FAM120B: variants seen among roughly 807,000 people sequenced by gnomAD.
FAM120B encodes the protein family with sequence similarity 120 member B, also known as constitutive coactivator of peroxisome proliferator-activated receptor gamma.
In FAM120B, 83 loss-of-function variants were observed where a neutral mutation model predicts 96.3. The observed-to-expected ratio is 0.86, with a 90% CI of 0.72 to 1.03. The LOEUF is 1.03. FAM120B is among the 50% of genes least tolerant of loss of function. The pLI, the probability that FAM120B is intolerant of heterozygous loss-of-function variation, is 0.00. For synonymous variants in FAM120B, 407 were observed against 402.7 expected, an observed-to-expected ratio of 1.01 and a Z score of -0.13; for missense variants, 1,027 against 1,121.2, an observed-to-expected ratio of 0.92 and a Z score of 1.20.
intron 4 of FAM120B, among the ~76,000 whole-genome samples, chr6:170,331,271 T>C (rs1786017460): frequency 6.6e-6 from 1 of 152,218 alleles, no homozygotes; most frequent in African/African-American, 2.4e-5. Context: ...GCTCATGTCA[T>C]TGTTTCACCG....
chr6:170,292,929 C>T (rs1035940136), upstream of FAM120B, among the ~76,000 whole-genome samples: 7 of 152,200 alleles, frequency 4.6e-5, no homozygotes, highest in Admixed American at 4.6e-4. The surrounding 1 kb of genome is among the most constrained non-coding windows in gnomAD (Gnocchi z 6.6). Context: ...CTGGGATCAC[C>T]GTGAACCCCC....
chr6:170,371,402 A>G (rs1045840827), intron 6 of FAM120B, among the ~76,000 whole-genome samples: 3 of 152,174 alleles, frequency 2.0e-5, no homozygotes, highest in Non-Finnish European at 4.4e-5. Flanking sequence ...TAATGCTGCT[A>G]TGAACCTTTC....
intron 6 of FAM120B, among the ~76,000 whole-genome samples, 163 bp downstream of exon 6, chr6:170,358,481 G>A (rs913484104): frequency 1.3e-5 from 2 of 152,346 alleles, no homozygotes; most frequent in Admixed American, 1.3e-4. Context: ...TAATGGCTCT[G>A]GGATGAGCAG....
At chr6:170,377,030 G>C (rs1284049371) in intron 6 of FAM120B, among the ~76,000 whole-genome samples, 32 of 142,850 alleles carry the variant, frequency 2.2e-4, no homozygotes, top group Middle Eastern at 7.2e-3. Context: ...ACGCTGCTCG[G>C]TGCTGTGCAC....
intron 1 of FAM120B, among the ~76,000 whole-genome samples, chr6:170,298,575 C>T (rs146847499): frequency 5.4e-5 from 8 of 148,120 alleles, no homozygotes; most frequent in Admixed American, 1.4e-4. Flanking sequence ...GCATATTTGT[C>T]GGTCATCATC....
chr6:170,383,597 A>G (rs1018547132), intron 6 of FAM120B, among the ~76,000 whole-genome samples: 1 of 152,248 alleles, frequency 6.6e-6, no homozygotes, highest in Non-Finnish European at 1.5e-5. Context: ...ACAGTGAGAT[A>G]GCACTACACA....
In FAM120B at chr6:170,346,187, C is replaced by CT. The variant is rs68080508; in HGVS notation, c.2018-1953dup. 1.7e-3 allele frequency among the ~76,000 whole-genome samples: 244 copies of CT among 147,680 alleles called. 2 individuals carry two copies. The highest frequency in any genetic ancestry group is 7.5e-3 in the South Asian group (35 of 4,656). ...GTTCTACTAAATATATGTAATGAAT[C>CT]TTTTTTTTTTTGTATTAAATTTTCA... On this transcript the variant is annotated intron_variant, in intron 4 of 10. Coordinates refer to ENST00000476287, the MANE Select transcript of FAM120B (RefSeq NM_032448.3).
chr6:170,307,114 C>T (rs1304996816), intron 1 of FAM120B, among the ~76,000 whole-genome samples: 3 of 152,244 alleles, frequency 2.0e-5, no homozygotes, highest in Non-Finnish European at 4.4e-5. Context: ...CCCGACCTCG[C>T]GACCGTCGCC....
intron 6 of FAM120B, among the ~76,000 whole-genome samples, chr6:170,375,869 G>A (rs1178384572): frequency 6.6e-6 from 1 of 152,184 alleles, no homozygotes; most frequent in Non-Finnish European, 1.5e-5. Flanking sequence ...TCGATAAAGG[G>A]TGGGTAGGAT....
upstream of FAM120B, among the ~76,000 whole-genome samples, chr6:170,302,923 T>G (rs994375917): frequency 6.6e-6 from 1 of 152,136 alleles, no homozygotes; most frequent in Non-Finnish European, 1.5e-5. Flanking sequence ...GACCTTGAAG[T>G]AATATTTGAC....
At chr6:170,346,599 A>G (rs1787205953) in intron 4 of FAM120B, among the ~76,000 whole-genome samples, 1 of 152,174 alleles carries the variant, frequency 6.6e-6, no homozygotes, top group South Asian at 2.1e-4. Context: ...TAAAGCCTGG[A>G]AGGAACCGTG....
At chr6:170,311,389 A>G (rs1784581910) in intron 1 of FAM120B, among the ~76,000 whole-genome samples, 2 of 152,150 alleles carry the variant, frequency 1.3e-5, no homozygotes, top group Non-Finnish European at 2.9e-5. Context: ...CCATTTCTAC[A>G]CTTGATGAAC....
intron 6 of FAM120B, among the ~76,000 whole-genome samples, chr6:170,371,922 G>A (rs1308627663): frequency 1.3e-5 from 2 of 152,174 alleles, no homozygotes; most frequent in African/African-American, 2.4e-5. Flanking sequence ...GGACCTTCAC[G>A]CAGTTTTCAA....
intron 8 of FAM120B, among the ~76,000 whole-genome samples, chr6:170,393,668 G>A (rs548897548): frequency 1.3e-4 from 20 of 152,282 alleles, no homozygotes; most frequent in South Asian, 1.2e-3. Context: ...AGGTTCTATG[G>A]TTCAGTCCCT....
chr6:170,368,829 G>GT (rs939355478), intron 6 of FAM120B, among the ~76,000 whole-genome samples: 1 of 148,888 alleles, frequency 6.7e-6, no homozygotes, highest in African/African-American at 2.5e-5. Context: ...CTGGGGGGGG[G>GT]GCTCCCTCCT....
At chr6:170,395,952 A>G (rs573465518) in intron 9 of FAM120B, among the ~76,000 whole-genome samples, 4 of 152,218 alleles carry the variant, frequency 2.6e-5, no homozygotes, top group Non-Finnish European at 4.4e-5. Flanking sequence ...AGGTAATAGG[A>G]TTCTGATATT....
At chr6:170,321,032 G>A (rs1323127248) in intron 2 of FAM120B, among the ~76,000 whole-genome samples, 1 of 152,210 alleles carries the variant, frequency 6.6e-6, no homozygotes, top group Non-Finnish European at 1.5e-5. Flanking sequence ...AGGGAGTTTG[G>A]CAGTGGAAGA....
chr6:170,353,339 C>T (rs1787699701), intron 5 of FAM120B, among the ~76,000 whole-genome samples: 1 of 152,168 alleles, frequency 6.6e-6, no homozygotes, highest in Non-Finnish European at 1.5e-5. Flanking sequence ...GAGCTGGCAC[C>T]ATTTCTACTG....
At chr6:170,350,951 C>T (rs967678013) in intron 5 of FAM120B, among the ~76,000 whole-genome samples, 2 of 152,178 alleles carry the variant, frequency 1.3e-5, no homozygotes, top group East Asian at 1.9e-4. Flanking sequence ...ATGCCTAAAT[C>T]GACAGAAGTA....
Sources: gnomAD v4.1 joint callset for allele counts (sites outside exome capture counted in the v4.1 genomes callset) on GRCh38, gnomAD v4.1.1 for gene constraint, Gnocchi (gnomAD v3.1) non-coding constraint, MANE v1.5 for transcripts, NCBI Gene and HGNC (gene_info 2026-07-23, HGNC 2026-07-21) for gene names.